IGF2BP2: variants seen among roughly 807,000 people sequenced by gnomAD.
The protein encoded by IGF2BP2 is insulin like growth factor 2 mRNA binding protein 2.
Under a neutral mutation model 75.8 loss-of-function variants are expected in IGF2BP2, and 17 were observed. That is an observed-to-expected ratio of 0.22 (90% CI 0.15 to 0.34). The LOEUF (loss-of-function observed/expected upper bound fraction) is 0.34, where lower values mean the gene tolerates loss of function less well. Ranked by LOEUF, IGF2BP2 falls within the 10% of genes least tolerant of loss-of-function variation. The pLI, the probability that IGF2BP2 is intolerant of heterozygous loss-of-function variation, is 1.00. For missense variants in IGF2BP2, 516 were observed against 772.4 expected (o/e 0.67, Z 3.93); for synonymous variants, 288 against 295.6 (o/e 0.97, Z 0.26).
chr3:185,802,912 G>A (rs370746442), intron 2 of IGF2BP2, among the ~76,000 whole-genome samples: 6 of 152,192 alleles, frequency 3.9e-5, no homozygotes, highest in African/African-American at 7.2e-5. Context: ...TAAGCCACCC[G>A]CCCGGCCAGT....
intron 2 of IGF2BP2, among the ~76,000 whole-genome samples, chr3:185,786,521 C>A (rs898419847): frequency 3.3e-5 from 5 of 152,148 alleles, no homozygotes; most frequent in Non-Finnish European, 5.9e-5. Context: ...GAAGCTCCCC[C>A]ACTGAGCACC....
rs568318665 is a variant in IGF2BP2, at chr3:185,745,834, T to C, written c.240-47487A>G. Among the ~76,000 whole-genome samples the C allele has an allele frequency of 1.3e-4, 20 of 151,846 alleles. No individual in the cohort carries two copies. The South Asian group carries it at 3.9e-3, about 30-fold the overall frequency. On this transcript the variant is annotated intron_variant, in intron 2 of 15. Transcript: ENST00000382199. ...CACCATTTCGTATTGTGAATGCCAC[T>C]GGGTGGCAATAAAAATAATGAGCTG...
chr3:185,720,851 T>C (rs1726419077), intron 2 of IGF2BP2, among the ~76,000 whole-genome samples: 1 of 152,158 alleles, frequency 6.6e-6, no homozygotes, highest in Non-Finnish European at 1.5e-5. Flanking sequence ...CAGTAAGAAA[T>C]TCTGAAACCA....
intron 12 of IGF2BP2, among the ~76,000 whole-genome samples, chr3:185,654,175 G>A (rs952370754): frequency 2.6e-5 from 4 of 152,230 alleles, no homozygotes; most frequent in African/African-American, 9.6e-5. Context: ...GGATAAATGT[G>A]AGACTCAGGT....
chr3:185,697,926 G>A (rs1040883768), intron 3 of IGF2BP2, among the ~76,000 whole-genome samples: 2 of 152,134 alleles, frequency 1.3e-5, no homozygotes, highest in Non-Finnish European at 2.9e-5. Context: ...CCCGGCTGCA[G>A]TGAGCCATGA....
rs113385657 is a variant in IGF2BP2, at chr3:185,820,225, T to C, written c.239+2928A>G. Among the ~76,000 whole-genome samples the C allele has an allele frequency of 1.2e-3, 135 of 113,180 alleles. 1 individual carries two copies. Among genetic ancestry groups the C allele is most frequent in the African/African-American group, 5.8e-3 (127 of 22,000 alleles). 74.3% of individuals were successfully genotyped at this position (113,180 alleles called of 152,430 possible). On this transcript the variant is annotated intron_variant, in intron 2 of 15. Coordinates refer to ENST00000382199, the MANE Select transcript of IGF2BP2 (RefSeq NM_006548.6). ...CAGTATGTGTGTGTGTGTATGTGTA[T>C]ATATACACATACACACACACACACA...
chr3:185,797,717 A>G (rs1417926081), intron 2 of IGF2BP2, among the ~76,000 whole-genome samples: 1 of 151,962 alleles, frequency 6.6e-6, no homozygotes, highest in Non-Finnish European at 1.5e-5. Flanking sequence ...CAGCCTGGCA[A>G]CATGGCAAAA....
At chr3:185,733,892 G>C (rs976241875) in intron 2 of IGF2BP2, among the ~76,000 whole-genome samples, 2 of 152,160 alleles carry the variant, frequency 1.3e-5, no homozygotes, top group Non-Finnish European at 2.9e-5. Flanking sequence ...GAACAGGAAA[G>C]ACATGAAGAA....
chr3:185,778,123 A>G (rs942357330), intron 2 of IGF2BP2, among the ~76,000 whole-genome samples: 1 of 152,112 alleles, frequency 6.6e-6, no homozygotes, highest in Non-Finnish European at 1.5e-5. Flanking sequence ...ACAGTAATTT[A>G]TATTCATTCA....
rs1207050253 is a variant in IGF2BP2, at chr3:185,657,402, A to G, written c.1270T>C (p.Tyr424His). 1.2e-6 allele frequency: 2 copies of G among 1,608,412 alleles called. No individual in the cohort carries two copies. ...AGATTCACAATCTCCTGCTCTGGAT[A>G]CTGGGAGGGCGAGACAAGAAAGAAG... Reference protein sequence around the residue: ...QFGPFPHHHSYPEQEIVNLFI... With the variant: ...QFGPFPHHHSHPEQEIVNLFI... Residue 424 changes from tyrosine to histidine, a missense_variant and splice_region_variant, in exon 12 of 16, where the codon TAT (tyrosine) becomes CAT (histidine). Tyr to His is a moderately conservative substitution (Grantham distance 83, BLOSUM62 2). Around this residue, in one of 3 missense-constraint regions of IGF2BP2, gnomAD observed 75 missense variants for 67.4 expected, o/e 1.11. Transcript: ENST00000382199.
At chr3:185,815,823 AG>A (rs1252104794) in intron 2 of IGF2BP2, among the ~76,000 whole-genome samples, 3 of 152,318 alleles carry the variant, frequency 2.0e-5, no homozygotes, top group African/African-American at 7.2e-5. Flanking sequence ...ATGCAGGAAA[AG>A]TTTACAGTTG....
At chr3:185,759,694 G>C (rs1454306072) in intron 2 of IGF2BP2, among the ~76,000 whole-genome samples, 1 of 152,190 alleles carries the variant, frequency 6.6e-6, no homozygotes, top group African/African-American at 2.4e-5. Flanking sequence ...ATGTGACTTA[G>C]AGCCAGCACC....
At chr3:185,809,152 G>T (rs1238360402) in intron 2 of IGF2BP2, among the ~76,000 whole-genome samples, 1 of 143,804 alleles carries the variant, frequency 7.0e-6, no homozygotes. Context: ...TTTCTTCTGT[G>T]ATTCCCAGTA....
chr3:185,746,415 C>T (rs1730254960), intron 2 of IGF2BP2, among the ~76,000 whole-genome samples: 1 of 152,156 alleles, frequency 6.6e-6, no homozygotes, highest in Non-Finnish European at 1.5e-5. Context: ...TTCACGTGAG[C>T]AACTCCATGT....
chr3:185,809,342 C>G (rs748093149), intron 2 of IGF2BP2, among the ~76,000 whole-genome samples: 2 of 152,160 alleles, frequency 1.3e-5, no homozygotes, highest in Non-Finnish European at 2.9e-5. Flanking sequence ...TAAAATTTTG[C>G]TTTCCAATGT....
intron 12 of IGF2BP2, among the ~76,000 whole-genome samples, chr3:185,653,272 T>C (rs1020687861): frequency 2.0e-5 from 3 of 151,984 alleles, no homozygotes; most frequent in Admixed American, 1.3e-4. Flanking sequence ...CAGCTAAAAA[T>C]AAATACAAAA....
chr3:185,679,168 T>C lies in IGF2BP2; in HGVS notation c.813-3255A>G, dbSNP rs529172836. Among the ~76,000 whole-genome samples the C allele has an allele frequency of 3.6e-4, 55 of 152,316 alleles. 1 individual carries two copies. Among genetic ancestry groups the C allele is most frequent in the Admixed American group, 8.5e-4 (13 of 15,300 alleles). On this transcript the variant is annotated intron_variant, in intron 7 of 15. Transcript: ENST00000382199. ...TCATTTTCATTGTTTTCTGTATGTCTAGTAGCTTTTTTGTCCCTTCTTTCC... is the reference window on the plus strand; with the variant it reads ...TCATTTTCATTGTTTTCTGTATGTCCAGTAGCTTTTTTGTCCCTTCTTTCC...
intron 2 of IGF2BP2, among the ~76,000 whole-genome samples, chr3:185,754,344 GAAGC>G (rs1731329276): frequency 6.6e-6 from 1 of 152,046 alleles, no homozygotes; most frequent in South Asian, 2.1e-4. Flanking sequence ...AAGCCAAGCA[GAAGC>G]AAGCACCACG....
rs373019137 is a variant in IGF2BP2 at position 185,793,256 on chromosome 3, AG to A, written c.239+29896del. On this transcript the variant is annotated intron_variant, in intron 2 of 15. Transcript: ENST00000382199. ...AAGATAGTTGTTAAATTCAGATCCA[AG>A]GTTTGTCACCTTTCTCGCTGGTGGC... Among the ~76,000 whole-genome samples, 35 of 152,220 alleles carry A rather than the reference AG, an allele frequency of 2.3e-4. No individual in the cohort carries two copies. The East Asian group carries it at 6.7e-3, about 29-fold the overall frequency.
Sources: allele counts gnomAD v4.1 joint callset (sites outside exome capture counted in the v4.1 genomes callset), GRCh38; gene constraint gnomAD v4.1.1; regional missense constraint gnomAD v4.1.1; transcripts MANE v1.5; gene names NCBI Gene and HGNC (gene_info 2026-07-23, HGNC 2026-07-21).